GNA12: variants seen among roughly 807,000 people sequenced by gnomAD.
GNA12 encodes the protein G protein subunit alpha 12, also known as guanine nucleotide-binding protein subunit alpha-12.
GNA12 carries 9 observed loss-of-function variants against 26.0 expected under a neutral mutation model. That is an observed-to-expected ratio of 0.35 (90% CI 0.21 to 0.60). The LOEUF is 0.60. Ranked by LOEUF, GNA12 falls within the 20% of genes least tolerant of loss-of-function variation. The pLI, the probability that GNA12 is intolerant of heterozygous loss-of-function variation, is 0.78. For synonymous variants in GNA12, 264 were observed against 219.6 expected (o/e 1.20, Z -1.79); for missense variants, 405 against 525.8 (o/e 0.77, Z 2.25).
intron 1 of GNA12, among the ~76,000 whole-genome samples, chr7:2,834,552 G>T (rs1407742316): frequency 6.6e-6 from 1 of 152,176 alleles, no homozygotes; most frequent in East Asian, 1.9e-4. Context: ...TGTTGAACTT[G>T]ATCTTTTTGT....
Position 2,731,875 on chromosome 7 carries a change from A to C in GNA12, c.577-125T>G. On this transcript the variant is annotated intron_variant, in intron 3 of 3. Coordinates refer to ENST00000275364, the MANE Select transcript of GNA12 (RefSeq NM_007353.3). This position sits in a 1 kb window ranked among gnomAD's most constrained non-coding sequence, Gnocchi z 6.0. ...ACTTTTGCAACAGGTTGAACCAGAA[A>C]CCAAAAGCAAATTTCATTTATAACA... The C allele has an allele frequency of 1.9e-6, 1 of 532,356 alleles. No homozygotes were observed. The highest frequency in any genetic ancestry group is 3.3e-6 in the Non-Finnish European group (1 of 307,552). 33.0% of individuals were successfully genotyped at this position (532,356 alleles called of 1,614,324 possible).
At chr7:2,788,481 G>A (rs894738233) in intron 2 of GNA12, among the ~76,000 whole-genome samples, 2 of 152,184 alleles carry the variant, frequency 1.3e-5, no homozygotes, top group African/African-American at 4.8e-5. Context: ...AGCAAGAAAA[G>A]ACACAACTTA....
intron 1 of GNA12, among the ~76,000 whole-genome samples, chr7:2,841,838 TA>T (rs1357358959): frequency 1.3e-5 from 2 of 152,118 alleles, no homozygotes; most frequent in Non-Finnish European, 2.9e-5. Context: ...TTGCTAAATT[TA>T]AAATCTCCCA....
chr7:2,757,302 T>G (rs1225013127), intron 2 of GNA12, among the ~76,000 whole-genome samples: 1 of 151,632 alleles, frequency 6.6e-6, no homozygotes, highest in Admixed American at 6.6e-5. Flanking sequence ...GCCCGGCTAA[T>G]TTTTTGTAGT....
chr7:2,805,221 C>CGTTCATGG (rs1792915504), intron 1 of GNA12, among the ~76,000 whole-genome samples: 1 of 152,196 alleles, frequency 6.6e-6, no homozygotes, highest in Non-Finnish European at 1.5e-5. Context: ...TAACAATCTG[C>CGTTCATGG]GTTCATGGGA....
At chr7:2,793,346 C>A (rs1340534401) in intron 2 of GNA12, among the ~76,000 whole-genome samples, 1 of 148,578 alleles carries the variant, frequency 6.7e-6, no homozygotes, top group Non-Finnish European at 1.5e-5. Flanking sequence ...GAGGAAGCAG[C>A]GGACAGGAGC....
At chr7:2,836,332 A>G (rs1778837214) in intron 1 of GNA12, among the ~76,000 whole-genome samples, 1 of 152,180 alleles carries the variant, frequency 6.6e-6, no homozygotes. Flanking sequence ...CTGCCCCCTT[A>G]CAGCTAAAAA....
chr7:2,830,189 T>C (rs1010316998), intron 1 of GNA12, among the ~76,000 whole-genome samples: 7 of 152,196 alleles, frequency 4.6e-5, no homozygotes, highest in African/African-American at 1.7e-4. Context: ...CTTGCCTCAA[T>C]ACTACCTTAA....
rs543318011 is a variant in GNA12 at position 2,780,976 on chromosome 7, T to C, written c.525+13952A>G. Among the ~76,000 whole-genome samples, 653 of 152,372 alleles carry C rather than the reference T, an allele frequency of 4.3e-3. 7 individuals are homozygous for C. Among genetic ancestry groups the C allele is most frequent in the African/African-American group, 0.015 (621 of 41,588 alleles). On this transcript the variant is annotated intron_variant, in intron 2 of 3. Transcript: ENST00000275364. ...ACTTGTGTTCCCACCAGCACTGCAG[T>C]GTATGAGAGTTCCTGTCATCCCACA... is the stretch of plus-strand genomic sequence containing the variant.
chr7:2,763,043 C>A lies in GNA12; in HGVS notation c.526-29542G>T, dbSNP rs895979222. 200 of 1,248,142 alleles carry A rather than the reference C, an allele frequency of 1.6e-4. No individual in the cohort carries two copies. In the East Asian group the frequency reaches 6.2e-3, roughly 38 times the overall value. The allele number at this position is 1,248,142 out of a possible 1,614,324, so 77.3% of individuals were successfully genotyped here. Reference sequence around the variant, plus strand: ...GCCACTGGCCCAGGACTCAGCGTGCCGTTCCTCCAGGACGCAGACCGGGGC... The same window carrying A: ...GCCACTGGCCCAGGACTCAGCGTGCAGTTCCTCCAGGACGCAGACCGGGGC... On this transcript the variant is annotated intron_variant, in intron 2 of 3. Transcript: ENST00000275364.
intron 1 of GNA12, among the ~76,000 whole-genome samples, chr7:2,800,276 A>T (rs1405867489): frequency 6.6e-6 from 1 of 152,242 alleles, no homozygotes; most frequent in African/African-American, 2.4e-5. Flanking sequence ...TCTTGAGGTG[A>T]CAAGATTACA....
chr7:2,832,148 C>G (rs1356299882), intron 1 of GNA12, among the ~76,000 whole-genome samples: 2 of 152,198 alleles, frequency 1.3e-5, no homozygotes, highest in African/African-American at 4.8e-5. Flanking sequence ...ATGTGTTCAT[C>G]CATCTTATGG....
chr7:2,842,346 T>A (rs1457525814), intron 1 of GNA12, among the ~76,000 whole-genome samples: 1 of 152,154 alleles, frequency 6.6e-6, no homozygotes, highest in Non-Finnish European at 1.5e-5. Flanking sequence ...CCACTCAGGC[T>A]GGAGTGCAGT....
In GNA12 at chr7:2,777,951, CA is replaced by C. The variant is rs1792119441; in HGVS notation, c.525+16976del. Among the ~76,000 whole-genome samples, 3 of 152,330 alleles carry C rather than the reference CA, an allele frequency of 2.0e-5. No individual in the cohort carries two copies. The South Asian group carries it at 6.2e-4, about 32-fold the overall frequency. ...TGTGAGGTGTCCCTGGTGATCCCAG[CA>C]AAGATGTCTTCCAACTTCAGAAGAG... On this transcript the variant is annotated intron_variant, in intron 2 of 3. Coordinates refer to ENST00000275364, the MANE Select transcript of GNA12 (RefSeq NM_007353.3).
intron 2 of GNA12, among the ~76,000 whole-genome samples, chr7:2,736,055 C>T (rs61414156): frequency 0.022 from 3,323 of 152,214 alleles, 126 homozygotes; most frequent in African/African-American, 0.075. Context: ...CGATCGTTTG[C>T]GACGGACTCC....
At chr7:2,744,682 G>C (rs190576802) in intron 2 of GNA12, among the ~76,000 whole-genome samples, 1 of 152,200 alleles carries the variant, frequency 6.6e-6, no homozygotes, top group Non-Finnish European at 1.5e-5. Flanking sequence ...TGACTTTGAC[G>C]AGTTGAGAAA....
chr7:2,777,984 C>G (rs1184057306), intron 2 of GNA12, among the ~76,000 whole-genome samples: 1 of 152,178 alleles, frequency 6.6e-6, no homozygotes, highest in African/African-American at 2.4e-5. Flanking sequence ...AGAGGAGGGC[C>G]TTTCAATCTC....
At chr7:2,802,452 G>A (rs1024394587) in intron 1 of GNA12, among the ~76,000 whole-genome samples, 25 of 151,670 alleles carry the variant, frequency 1.6e-4, no homozygotes, top group African/African-American at 6.0e-4. Flanking sequence ...TGCAAATCCT[G>A]TTATCTCATT....
intron 2 of GNA12, among the ~76,000 whole-genome samples, chr7:2,742,951 G>A (rs536187194): frequency 9.2e-5 from 14 of 152,284 alleles, no homozygotes; most frequent in Admixed American, 7.2e-4. Flanking sequence ...AATTTTCCAG[G>A]TGCACACTCA....
Sources: allele counts gnomAD v4.1 joint callset (sites outside exome capture counted in the v4.1 genomes callset), GRCh38; gene constraint gnomAD v4.1.1; non-coding constraint Gnocchi (gnomAD v3.1); transcripts MANE v1.5; gene names NCBI Gene and HGNC (gene_info 2026-07-23, HGNC 2026-07-21).